Variants in GABRB3 observed in about 807,000 individuals in gnomAD.
GABRB3 encodes gamma-aminobutyric acid type A receptor subunit beta3, also known as gamma-aminobutyric acid receptor subunit beta-3.
Under a neutral mutation model 52.1 loss-of-function variants are expected in GABRB3, and 14 were observed. That is an observed-to-expected ratio of 0.27 (90% CI 0.18 to 0.42). The LOEUF is 0.42. GABRB3 is among the 10% of genes least tolerant of loss of function. The pLI, the probability that GABRB3 is intolerant of heterozygous loss-of-function variation, is 1.00. For synonymous variants in GABRB3, 260 were observed against 232.3 expected (o/e 1.12, Z -1.08); for missense variants, 307 against 609.1 (o/e 0.50, Z 5.22).
At chr15:26,612,229 T>C (rs1261295314) in intron 4 of GABRB3, 4 of 152,162 alleles carry the variant, frequency 2.6e-5, no homozygotes, top group African/African-American at 4.8e-5. Context: ...CTGGTTATCA[T>C]TGTTCTGGAA....
chr15:26,731,840 C>T (rs1185625602), intron 3 of GABRB3, among the ~76,000 whole-genome samples: 4 of 152,240 alleles, frequency 2.6e-5, no homozygotes, highest in African/African-American at 4.8e-5. Flanking sequence ...ACCTTTACCT[C>T]TTCAACAAGG....
At chr15:26,600,389 C>A (rs920959794) in intron 4 of GABRB3, among the ~76,000 whole-genome samples, 2 of 151,822 alleles carry the variant, frequency 1.3e-5, no homozygotes, top group African/African-American at 4.8e-5. Flanking sequence ...ACAGAAGTCA[C>A]CAATCAAATT....
chr15:26,673,822 A>C (rs2140635542), intron 3 of GABRB3, among the ~76,000 whole-genome samples: 1 of 152,346 alleles, frequency 6.6e-6, no homozygotes, highest in Non-Finnish European at 1.5e-5. Flanking sequence ...AATGGAATAG[A>C]GCTAGAATGT....
At chr15:26,680,502 G>C (rs1224317682) in intron 3 of GABRB3, among the ~76,000 whole-genome samples, 1 of 152,136 alleles carries the variant, frequency 6.6e-6, no homozygotes, top group Non-Finnish European at 1.5e-5. Flanking sequence ...TGGTGTAACA[G>C]TCAAGTTCTA....
intron 3 of GABRB3, among the ~76,000 whole-genome samples, chr15:26,656,193 A>T (rs1340941464): frequency 6.6e-6 from 1 of 151,998 alleles, no homozygotes; most frequent in African/African-American, 2.4e-5. Flanking sequence ...AGCAGAACTC[A>T]CCTGCCTGGG....
intron 3 of GABRB3, chr15:26,629,144 C>A: frequency 6.6e-7 from 1 of 1,515,616 alleles, no homozygotes; most frequent in Middle Eastern, 1.7e-4. Context: ...CTCGGGGAGG[C>A]GCAGGGGCGG....
intron 3 of GABRB3, chr15:26,716,631 T>C (rs1007959181): frequency 1.7e-5 from 17 of 1,001,994 alleles, no homozygotes; most frequent in Non-Finnish European, 2.0e-5. Flanking sequence ...TAGAGGCCTC[T>C]TGTGGGTTCT....
intron 3 of GABRB3, among the ~76,000 whole-genome samples, chr15:26,751,910 T>C (rs1031708461): frequency 2.6e-5 from 4 of 152,218 alleles, no homozygotes; most frequent in African/African-American, 7.2e-5. Context: ...TGGCTTTCAA[T>C]GGGTGCTTGG....
At position 26,621,493 on chromosome 15, in the gene GABRB3, A is replaced by G; in HGVS notation, c.282T>C (p.Asp94=). The change falls in exon 4 of 9, where the codon GAT becomes GAC. Residue 94 remains aspartate (D), a synonymous_variant. Coordinates refer to ENST00000311550, the MANE Select transcript of GABRB3 (RefSeq NM_000814.6). The surrounding 1 kb of genome is among the most constrained non-coding windows in gnomAD (Gnocchi z 4.1). The part of the protein sequence containing the change: ...LTMYFQQYWR[D]KRLAYSGIPL... ...GGATCCCAGAATAGGCGAGCCTTTTATCTCTCCAATATTGTTGAAAATACA... is the reference window on the plus strand; with the variant it reads ...GGATCCCAGAATAGGCGAGCCTTTTGTCTCTCCAATATTGTTGAAAATACA... 1 of 1,614,062 alleles carries G rather than the reference A, an allele frequency of 6.2e-7. No homozygotes were observed. Among genetic ancestry groups the G allele is most frequent in the Non-Finnish European group, 8.5e-7 (1 of 1,179,910 alleles).
Position 26,554,144 on chromosome 15 carries a change from G to GTATA in GABRB3, c.1081-6014_1081-6011dup, listed in dbSNP as rs547570760. On this transcript the variant is annotated intron_variant, in intron 8 of 8. Transcript: ENST00000311550. Reference sequence around the variant, plus strand: ...GTGTGTGTGTATATATATATATAAAGTATATATATATATAAAGTATATATA... The same window carrying GTATA: ...GTGTGTGTGTATATATATATATAAAGTATATATATATATATATAAAGTATATATA... Among the ~76,000 whole-genome samples the GTATA allele has an allele frequency of 4.7e-3, 152 of 32,280 alleles. 4 individuals are homozygous for GTATA. The highest frequency in any genetic ancestry group is 7.9e-3 in the South Asian group (8 of 1,010). 21.2% of individuals were successfully genotyped at this position (32,280 alleles called of 152,430 possible). A position where few individuals can be genotyped will look rare whatever the true frequency, so the allele number is the denominator to read the frequency against.
chr15:26,581,786 G>C (rs548893771), intron 5 of GABRB3, among the ~76,000 whole-genome samples: 2 of 152,162 alleles, frequency 1.3e-5, no homozygotes, highest in Non-Finnish European at 2.9e-5. Flanking sequence ...AGGCAACCTC[G>C]CAATCACTCA....
chr15:26,692,214 T>G (rs1030259547), intron 3 of GABRB3, among the ~76,000 whole-genome samples: 5 of 152,224 alleles, frequency 3.3e-5, no homozygotes, highest in African/African-American at 1.2e-4. Context: ...GAGGTGATCT[T>G]TCTCTTCTCA....
intron 3 of GABRB3, among the ~76,000 whole-genome samples, chr15:26,743,141 G>A (rs1240289448): frequency 6.6e-6 from 1 of 152,038 alleles, no homozygotes; most frequent in East Asian, 1.9e-4. Context: ...TGTTGGTCAG[G>A]CTGGTCTCAA....
rs1397537217 is a variant in GABRB3, at chr15:26,545,609, A to C, written c.*2184T>G. 6.6e-6 allele frequency: 1 copy of C among 152,554 alleles called. No homozygotes were observed. The highest frequency in any genetic ancestry group is 2.4e-5 in the African/African-American group (1 of 41,452). The allele number at this position is 152,554 out of a possible 1,614,324, so 9.5% of individuals were successfully genotyped here. On this transcript the variant is annotated 3_prime_UTR_variant, in exon 9 of 9. Transcript: ENST00000311550. ...CCTCACACCTTTAATTACTGGATACAGAAAAAGATACCTGAAGTATTGAAA... is the reference window on the plus strand; with the variant it reads ...CCTCACACCTTTAATTACTGGATACCGAAAAAGATACCTGAAGTATTGAAA...
At chr15:26,624,917 C>T (rs12595837) in intron 3 of GABRB3, 299,146 of 985,186 alleles carry the variant, frequency 0.3, 48,579 homozygotes, top group East Asian at 0.79. Context: ...CCAGGAACAG[C>T]GGGCAGCCGC....
chr15:26,689,592 C>T (rs926192931), intron 3 of GABRB3, among the ~76,000 whole-genome samples: 1 of 152,148 alleles, frequency 6.6e-6, no homozygotes, highest in African/African-American at 2.4e-5. Context: ...GTGGCGTTAG[C>T]ATGACCCCAG....
intron 4 of GABRB3, among the ~76,000 whole-genome samples, chr15:26,606,982 C>T (rs1187964437): frequency 6.6e-6 from 1 of 152,064 alleles, no homozygotes; most frequent in Non-Finnish European, 1.5e-5. Flanking sequence ...CTAACAATGG[C>T]TGAGTGTTGG....
At chr15:26,610,526 A>G (rs1376937272) in intron 4 of GABRB3, among the ~76,000 whole-genome samples, 1 of 152,192 alleles carries the variant, frequency 6.6e-6, no homozygotes, top group Non-Finnish European at 1.5e-5. Flanking sequence ...ATAAGCTGAT[A>G]TTCTTTTATA....
At chr15:26,684,335 C>T (rs546144298) in intron 3 of GABRB3, among the ~76,000 whole-genome samples, 21 of 152,080 alleles carry the variant, frequency 1.4e-4, no homozygotes, top group African/African-American at 2.2e-4. Context: ...CAGGCAGGGA[C>T]GCGGAAATGC....
Sources: allele counts gnomAD v4.1 joint callset (sites outside exome capture counted in the v4.1 genomes callset), GRCh38; gene constraint gnomAD v4.1.1; non-coding constraint Gnocchi (gnomAD v3.1); transcripts MANE v1.5; gene names NCBI Gene and HGNC (gene_info 2026-07-23, HGNC 2026-07-21).